The following SKAP1 variants were observed in gnomAD, a reference collection of about 807,000 sequenced individuals.
SKAP1 encodes src kinase-associated phosphoprotein 1.
SKAP1 carries 44 observed loss-of-function variants against 58.5 expected under a neutral mutation model. The observed-to-expected ratio is 0.75, with a 90% CI of 0.59 to 0.97. SKAP1 has a LOEUF of 0.97. SKAP1 is among the 50% of genes least tolerant of loss of function. The probability of loss-of-function intolerance (pLI) is 0.00; values close to 1 mark genes in which losing one functional copy is unlikely to be tolerated. For missense variants in SKAP1, 390 were observed against 435.2 expected (o/e 0.90, Z 0.92); for synonymous variants, 127 against 149.7 (o/e 0.85, Z 1.11).
intron 1 of SKAP1, among the ~76,000 whole-genome samples, chr17:48,411,342 T>C (rs972744996): frequency 2.0e-5 from 3 of 151,934 alleles, no homozygotes; most frequent in African/African-American, 2.4e-5. Context: ...GAGGTTGCAG[T>C]GAGCCGACAT....
intron 4 of SKAP1, among the ~76,000 whole-genome samples, chr17:48,297,079 G>T (rs1029643917): frequency 1.3e-5 from 2 of 151,998 alleles, no homozygotes; most frequent in African/African-American, 4.8e-5. Flanking sequence ...CTTTTGGTAG[G>T]CCTTACCCTG....
rs943819184 is a variant in SKAP1 at position 48,364,275 on chromosome 17, A to AT, written c.153-462dup. Among the ~76,000 whole-genome samples the AT allele has an allele frequency of 1.8e-3, 273 of 150,764 alleles. 1 individual carries two copies. Among genetic ancestry groups the AT allele is most frequent in the African/African-American group, 5.7e-3 (235 of 41,144 alleles). ...ACATCTCAAATGCCTCTGAAGCCTAATTTTTTTTTTCTCTGTTACCCAGGC... is the reference window on the plus strand; with the variant it reads ...ACATCTCAAATGCCTCTGAAGCCTAATTTTTTTTTTTCTCTGTTACCCAGGC... On this transcript the variant is annotated intron_variant, in intron 2 of 12. Transcript: ENST00000336915.
At chr17:48,335,575 C>T (rs558331734) in intron 4 of SKAP1, among the ~76,000 whole-genome samples, 6 of 152,008 alleles carry the variant, frequency 3.9e-5, no homozygotes, top group African/African-American at 1.2e-4. Context: ...AATGTGTCCA[C>T]CATAGAAGGA....
chr17:48,153,716 C>G (rs1470511743), intron 11 of SKAP1, among the ~76,000 whole-genome samples: 1 of 151,882 alleles, frequency 6.6e-6, no homozygotes, highest in East Asian at 1.9e-4. Flanking sequence ...TTTCATCACA[C>G]TGTTTGGGCA....
chr17:48,189,373 C>T, intron 5 of SKAP1, 50 bp downstream of exon 5: 1 of 1,477,018 alleles, frequency 6.8e-7, no homozygotes, highest in South Asian at 1.2e-5. Context: ...TTTTTCCTCA[C>T]TTCCCTTCCC....
intron 4 of SKAP1, among the ~76,000 whole-genome samples, chr17:48,200,463 G>T (rs1032468233): frequency 3.3e-5 from 5 of 149,956 alleles, no homozygotes; most frequent in Non-Finnish European, 5.9e-5. Context: ...TGCAACCTCC[G>T]CCTCCCAGGT....
chr17:48,269,743 CT>C lies in SKAP1; in HGVS notation c.280+76161del, dbSNP rs1235029270. Among the ~76,000 whole-genome samples the C allele has an allele frequency of 2.0e-5, 3 of 152,194 alleles. No individual in the cohort carries two copies. The East Asian group carries it at 5.8e-4, about 29-fold the overall frequency. The stretch of plus-strand genomic sequence containing the variant: ...GCACTAAGTTAAAGAGAGCTTTTAT[CT>C]AGTGGGGATGGAAAGTAAGTGATTT... On this transcript the variant is annotated intron_variant, in intron 4 of 12. Coordinates refer to ENST00000336915, the MANE Select transcript of SKAP1 (RefSeq NM_003726.4).
chr17:48,256,034 G>A (rs555319852), intron 4 of SKAP1, among the ~76,000 whole-genome samples: 2 of 152,080 alleles, frequency 1.3e-5, no homozygotes, highest in African/African-American at 4.8e-5. Context: ...CTTCTGCAAA[G>A]ATGCATTTTT....
intron 3 of SKAP1, among the ~76,000 whole-genome samples, chr17:48,353,675 C>T (rs2066833306): frequency 6.6e-6 from 1 of 152,020 alleles, no homozygotes; most frequent in Admixed American, 6.6e-5. Context: ...GCAGGTGAAT[C>T]ACCTGAGGTC....
intron 3 of SKAP1, among the ~76,000 whole-genome samples, chr17:48,356,313 T>C (rs2066876077): frequency 6.6e-6 from 1 of 151,964 alleles, no homozygotes; most frequent in Non-Finnish European, 1.5e-5. Flanking sequence ...AAAACTTGAG[T>C]GGGTAAGAAA....
intron 4 of SKAP1, among the ~76,000 whole-genome samples, chr17:48,284,581 A>G (rs1473339323): frequency 6.9e-6 from 1 of 145,122 alleles, no homozygotes; most frequent in Non-Finnish European, 1.5e-5. Context: ...TCCAAAAAGC[A>G]CAGTTGGCAT....
At chr17:48,399,040 A>C (rs2067459364) in intron 1 of SKAP1, among the ~76,000 whole-genome samples, 1 of 151,418 alleles carries the variant, frequency 6.6e-6, no homozygotes, top group South Asian at 2.1e-4. Context: ...AAACAAACAA[A>C]CAAAAAAAAC....
chr17:48,322,283 C>T (rs1301325092), intron 4 of SKAP1, among the ~76,000 whole-genome samples: 1 of 152,202 alleles, frequency 6.6e-6, no homozygotes, highest in Non-Finnish European at 1.5e-5. Flanking sequence ...CTCTTTATTT[C>T]TTAGCACAGA....
intron 1 of SKAP1, among the ~76,000 whole-genome samples, chr17:48,424,507 G>A (rs944349902): frequency 6.6e-6 from 1 of 151,624 alleles, no homozygotes; most frequent in African/African-American, 2.4e-5. Flanking sequence ...TTACAGGCGT[G>A]AGCCACCGCG....
intron 1 of SKAP1, among the ~76,000 whole-genome samples, chr17:48,423,310 A>T (rs1249856359): frequency 6.6e-6 from 1 of 152,194 alleles, no homozygotes; most frequent in Non-Finnish European, 1.5e-5. Context: ...TAATGGCACA[A>T]TTTTTAGAGG....
intron 4 of SKAP1, among the ~76,000 whole-genome samples, chr17:48,334,562 G>A (rs187469883): frequency 5.3e-5 from 8 of 151,806 alleles, no homozygotes; most frequent in Admixed American, 3.9e-4. Context: ...AATTTTATCT[G>A]TCTCATGAAA....
intron 4 of SKAP1, among the ~76,000 whole-genome samples, chr17:48,299,162 G>T (rs1387038396): frequency 6.6e-6 from 1 of 152,194 alleles, no homozygotes; most frequent in African/African-American, 2.4e-5. Context: ...AGTAGTGAAA[G>T]GGATATAAAC....
At chr17:48,172,837 A>T (rs1431785542) in intron 9 of SKAP1, among the ~76,000 whole-genome samples, 2 of 152,186 alleles carry the variant, frequency 1.3e-5, no homozygotes, top group Non-Finnish European at 2.9e-5. Flanking sequence ...AAAATATATT[A>T]GAATACTATA....
intron 4 of SKAP1, among the ~76,000 whole-genome samples, chr17:48,304,523 C>T (rs902701557): frequency 1.3e-5 from 2 of 152,124 alleles, no homozygotes; most frequent in African/African-American, 4.8e-5. Flanking sequence ...AAAATTAGAG[C>T]TAATGGGCTT....
Sources: gnomAD v4.1 joint callset for allele counts (sites outside exome capture counted in the v4.1 genomes callset) on GRCh38, gnomAD v4.1.1 for gene constraint, MANE v1.5 for transcripts, NCBI Gene and HGNC (gene_info 2026-07-23, HGNC 2026-07-21) for gene names.